The following ILRUN variants were observed in gnomAD, a reference collection of about 807,000 sequenced individuals.
ILRUN encodes the protein inflammation and lipid regulator with UBA-like and NBR1-like domains, also known as protein ILRUN.
Under a neutral mutation model 33.8 loss-of-function variants are expected in ILRUN, and 3 were observed. The ratio of observed to expected loss-of-function variants is 0.09; its 90% CI spans 0.04 to 0.23. ILRUN has a LOEUF of 0.23. Ranked by LOEUF, ILRUN falls within the 10% of genes least tolerant of loss-of-function variation. The pLI, the probability that ILRUN is intolerant of heterozygous loss-of-function variation, is 1.00. For synonymous variants in ILRUN, 124 were observed against 138.9 expected (o/e 0.89, Z 0.75); for missense variants, 210 against 375.1 (o/e 0.56, Z 3.64).
At chr6:34,678,167 G>A (rs1763278633) in intron 1 of ILRUN, among the ~76,000 whole-genome samples, 1 of 152,048 alleles carries the variant, frequency 6.6e-6, no homozygotes, top group African/African-American at 2.4e-5. Context: ...AGCCTCCCGA[G>A]TAGCTGGGAT....
At chr6:34,622,395 T>G (rs986096477) in intron 3 of ILRUN, among the ~76,000 whole-genome samples, 1 of 152,134 alleles carries the variant, frequency 6.6e-6, no homozygotes, top group Non-Finnish European at 1.5e-5. Context: ...GATTTCAAAA[T>G]GGGCAAAGGA....
intron 3 of ILRUN, among the ~76,000 whole-genome samples, chr6:34,628,625 C>A (rs1286611388): frequency 6.6e-6 from 1 of 152,126 alleles, no homozygotes; most frequent in African/African-American, 2.4e-5. Context: ...AGCCACCACG[C>A]CCGGCCCACC....
chr6:34,684,504 CAACA>C (rs1763473688), intron 1 of ILRUN, among the ~76,000 whole-genome samples: 1 of 152,160 alleles, frequency 6.6e-6, no homozygotes, highest in Non-Finnish European at 1.5e-5. Context: ...CACATTACTT[CAACA>C]AATGTTTACT....
chr6:34,645,716 G>A (rs943424956), intron 3 of ILRUN, among the ~76,000 whole-genome samples: 17 of 152,146 alleles, frequency 1.1e-4, no homozygotes, highest in Non-Finnish European at 1.5e-4. Flanking sequence ...TGCCCATAAC[G>A]AGTTAAAACA....
At chr6:34,656,549 C>T (rs1273168352) in intron 1 of ILRUN, among the ~76,000 whole-genome samples, 1 of 152,196 alleles carries the variant, frequency 6.6e-6, no homozygotes, top group Non-Finnish European at 1.5e-5. Context: ...ACTTCCCACG[C>T]TATGTAACAA....
chr6:34,682,449 A>G lies in ILRUN; in HGVS notation c.158+13997T>C, dbSNP rs1274347769. On this transcript the variant is annotated intron_variant, in intron 1 of 4. Coordinates refer to ENST00000374023, the MANE Select transcript of ILRUN (RefSeq NM_024294.4). ...ATTTTTTTGTATTTTTAGTAGAGACACGGTTTCACCATATTAGCCAGGACG... is the reference window on the plus strand; with the variant it reads ...ATTTTTTTGTATTTTTAGTAGAGACGCGGTTTCACCATATTAGCCAGGACG... Among the ~76,000 whole-genome samples, 9 of 149,936 alleles carry G rather than the reference A, an allele frequency of 6.0e-5. No homozygotes were observed. In the East Asian group the frequency reaches 1.8e-3, roughly 30 times the overall value.
At chr6:34,677,786 A>G (rs1043473599) in intron 1 of ILRUN, among the ~76,000 whole-genome samples, 3 of 151,782 alleles carry the variant, frequency 2.0e-5, no homozygotes, top group Admixed American at 6.6e-5. Flanking sequence ...CCCTATGTAC[A>G]AAAAATACAA....
intron 3 of ILRUN, among the ~76,000 whole-genome samples, chr6:34,640,401 C>CT (rs2127355486): frequency 1.3e-5 from 2 of 152,100 alleles, no homozygotes; most frequent in Non-Finnish European, 2.9e-5. Flanking sequence ...CTGAAACAAT[C>CT]TAAGAGTTAT....
chr6:34,682,040 A>T (rs1318167712), intron 1 of ILRUN, among the ~76,000 whole-genome samples: 375 of 89,306 alleles, frequency 4.2e-3, no homozygotes, highest in East Asian at 8.4e-3. Flanking sequence ...TTATTTTTTT[A>T]CTTTTTTTTT....
At chr6:34,640,487 C>T (rs1209181319) in intron 3 of ILRUN, among the ~76,000 whole-genome samples, 10 of 151,624 alleles carry the variant, frequency 6.6e-5, no homozygotes, top group African/African-American at 1.5e-4. Context: ...CTGAGGTGGG[C>T]GGATCACAAG....
rs34498804 is a variant in ILRUN at position 34,653,970 on chromosome 6, CAAAAAAA to C, written c.313+648_313+654del. Among the ~76,000 whole-genome samples the C allele has an allele frequency of 5.3e-4, 43 of 81,066 alleles. No individual in the cohort carries two copies. In the East Asian group the frequency reaches 0.012, roughly 23 times the overall value. 53.2% of individuals were successfully genotyped at this position (81,066 alleles called of 152,430 possible). On this transcript the variant is annotated intron_variant, in intron 2 of 4. Transcript: ENST00000374023. ...TGGGCAACAGAGCGAGATGCTGTCT[CAAAAAAA>C]AAAAAAAAAAAAGTGCTGGGATTCT... is the stretch of plus-strand genomic sequence containing the variant.
intron 1 of ILRUN, among the ~76,000 whole-genome samples, chr6:34,655,593 T>A: frequency 6.6e-6 from 1 of 152,202 alleles, no homozygotes; most frequent in East Asian, 1.9e-4. Flanking sequence ...AGATGGATCA[T>A]CATTTAACCA....
intron 3 of ILRUN, among the ~76,000 whole-genome samples, chr6:34,640,055 GA>G (rs557200797): frequency 1.3e-5 from 2 of 151,474 alleles, no homozygotes; most frequent in South Asian, 4.2e-4. Flanking sequence ...CAAAATCGAG[GA>G]AAAAAAAGAT....
At chr6:34,632,094 GT>G (rs990139682) in intron 3 of ILRUN, among the ~76,000 whole-genome samples, 1 of 152,102 alleles carries the variant, frequency 6.6e-6, no homozygotes, top group African/African-American at 2.4e-5. Context: ...CAACAAAAAA[GT>G]TTTTTGCTTT....
In ILRUN at chr6:34,654,730, T is replaced by C. The variant is rs1373553539; in HGVS notation, c.208A>G (p.Ile70Val). Residue 70 changes from isoleucine (I) to valine (V), a missense_variant, in exon 2 of 5, where the codon ATC becomes GTC. Coordinates refer to ENST00000374023, the MANE Select transcript of ILRUN (RefSeq NM_024294.4). The stretch of plus-strand genomic sequence containing the variant: ...ACAAAGGACATAGAGGGCACACTGA[T>C]GTTTGGGCTCTCAAAGTCATAATAG... ...GAYYDFESPN[I>V]SVPSMSFVED... The C allele has an allele frequency of 1.9e-5, 30 of 1,613,936 alleles. No homozygotes were observed. In the Admixed American group the frequency reaches 4.7e-4, roughly 25 times the overall value.
intron 3 of ILRUN, among the ~76,000 whole-genome samples, chr6:34,643,827 C>T (rs928535702): frequency 1.6e-4 from 25 of 152,200 alleles, no homozygotes; most frequent in African/African-American, 2.9e-4. Context: ...CTCAGCCTCC[C>T]GAGTAGCTGG....
Position 34,688,704 on chromosome 6 carries a change from T to C in ILRUN, c.158+7742A>G, listed in dbSNP as rs1235012150. 3.3e-5 allele frequency among the ~76,000 whole-genome samples: 5 copies of C among 152,046 alleles called. No individual in the cohort carries two copies. The East Asian group carries it at 7.8e-4, about 24-fold the overall frequency. Reference sequence around the variant, plus strand: ...CTTGCACGCCTGTAATCCCAGATACTTGGGACGCTAAGGTAGGAGAATCGC... The same window carrying C: ...CTTGCACGCCTGTAATCCCAGATACCTGGGACGCTAAGGTAGGAGAATCGC... On this transcript the variant is annotated intron_variant, in intron 1 of 4. Transcript: ENST00000374023.
At chr6:34,644,381 C>A (rs1033120560) in intron 3 of ILRUN, among the ~76,000 whole-genome samples, 2 of 152,162 alleles carry the variant, frequency 1.3e-5, no homozygotes, top group African/African-American at 4.8e-5. Context: ...GTGTCACCTT[C>A]AGTTTTAAAG....
At chr6:34,604,194 A>G (rs375646273) in intron 4 of ILRUN, among the ~76,000 whole-genome samples, 64 of 152,354 alleles carry the variant, frequency 4.2e-4, no homozygotes, top group African/African-American at 1.3e-3. Context: ...CTAGTTCATC[A>G]ACTCCAATAA....
Sources: allele counts gnomAD v4.1 joint callset (sites outside exome capture counted in the v4.1 genomes callset), GRCh38; gene constraint gnomAD v4.1.1; transcripts MANE v1.5; gene names NCBI Gene and HGNC (gene_info 2026-07-23, HGNC 2026-07-21).